The following ZNF503 variants were observed in gnomAD, a reference collection of about 807,000 sequenced individuals.
ZNF503 encodes the protein NocA-like zinc finger 2.
In ZNF503, 15 loss-of-function variants were observed where a neutral mutation model predicts 34.4. The observed-to-expected ratio is 0.44, with a 90% CI of 0.29 to 0.67. ZNF503 has a LOEUF of 0.67. Among genes scored for constraint, ZNF503 ranks in the 30% least tolerant of loss-of-function variants. The probability of loss-of-function intolerance (pLI) is 0.13; values close to 1 mark genes in which losing one functional copy is unlikely to be tolerated. For missense variants in ZNF503, 1,007 were observed against 926.8 expected, an observed-to-expected ratio of 1.09 and a Z score of -1.12; for synonymous variants, 580 against 456.8, an observed-to-expected ratio of 1.27 and a Z score of -3.44.
the ZNF503 span, among the ~76,000 whole-genome samples, chr10:75,390,681 C>T: frequency 2.0e-5 from 3 of 152,198 alleles, no homozygotes; most frequent in African/African-American, 7.2e-5. Context: ...AGAGGGCTCT[C>T]TCTTGACTCT....
At chr10:75,347,212 G>A in the ZNF503 span, among the ~76,000 whole-genome samples, 2 of 152,190 alleles carry the variant, frequency 1.3e-5, no homozygotes, top group East Asian at 1.9e-4. Flanking sequence ...TGAGGACTCC[G>A]GCAATTAATT....
the ZNF503 span, among the ~76,000 whole-genome samples, chr10:75,297,274 A>C: frequency 1.3e-5 from 2 of 151,086 alleles, no homozygotes; most frequent in Middle Eastern, 3.4e-3. Flanking sequence ...CCCACCCCCG[A>C]CTCTAGCTAG....
chr10:75,326,543 T>C, the ZNF503 span, among the ~76,000 whole-genome samples: 1 of 152,200 alleles, frequency 6.6e-6, no homozygotes, highest in African/African-American at 2.4e-5. Context: ...CAGATATCTT[T>C]CATTGTTCTG....
the ZNF503 span, among the ~76,000 whole-genome samples, chr10:75,355,347 G>A: frequency 2.7e-4 from 41 of 152,108 alleles, no homozygotes; most frequent in South Asian, 6.9e-3. Flanking sequence ...ATGGGTAATC[G>A]AAAGACCTTT....
chr10:75,377,830 T>A, the ZNF503 span, among the ~76,000 whole-genome samples: 1 of 151,672 alleles, frequency 6.6e-6, no homozygotes, highest in Admixed American at 6.6e-5. Flanking sequence ...TGCCTAAGAG[T>A]GGGTAATGTA....
chr10:75,330,760 AT>A, the ZNF503 span, among the ~76,000 whole-genome samples: 2 of 151,612 alleles, frequency 1.3e-5, no homozygotes, highest in Non-Finnish European at 2.9e-5. Flanking sequence ...TGTTTAGCTA[AT>A]GGTTTGTACA....
chr10:75,367,614 G>A, the ZNF503 span, among the ~76,000 whole-genome samples: 2 of 152,076 alleles, frequency 1.3e-5, no homozygotes, highest in Non-Finnish European at 2.9e-5. Flanking sequence ...ATAACATATA[G>A]GCTCAAAGAA....
chr10:75,279,972 A>T, the ZNF503 span: 1 of 152,166 alleles, frequency 6.6e-6, no homozygotes, highest in Non-Finnish European at 1.5e-5. Flanking sequence ...ACTTTCTAAC[A>T]TCATCATCTT....
chr10:75,378,097 G>A, the ZNF503 span, among the ~76,000 whole-genome samples: 3 of 152,046 alleles, frequency 2.0e-5, no homozygotes, highest in East Asian at 1.9e-4. Flanking sequence ...AGGGGAGGCC[G>A]GGGAGGATGG....
the ZNF503 span, among the ~76,000 whole-genome samples, chr10:75,349,832 A>G: frequency 6.6e-6 from 1 of 152,344 alleles, no homozygotes; most frequent in South Asian, 2.1e-4. Flanking sequence ...AAAAAAATGA[A>G]TGTTTGTTCT....
At chr10:75,392,085 C>A in the ZNF503 span, among the ~76,000 whole-genome samples, 1 of 152,190 alleles carries the variant, frequency 6.6e-6, no homozygotes, top group East Asian at 1.9e-4. Flanking sequence ...AGGACAAAAT[C>A]CCAGGCACAG....
At chr10:75,334,181 G>A in the ZNF503 span, among the ~76,000 whole-genome samples, 1 of 151,426 alleles carries the variant, frequency 6.6e-6, no homozygotes, top group East Asian at 2.0e-4. Flanking sequence ...GGAGGCCAAG[G>A]CAGGCGGCTG....
the ZNF503 span, among the ~76,000 whole-genome samples, chr10:75,334,185 G>A: frequency 6.6e-6 from 1 of 151,548 alleles, no homozygotes; most frequent in Admixed American, 6.6e-5. Flanking sequence ...GCCAAGGCAG[G>A]CGGCTGCTCC....
chr10:75,380,423 G>C, the ZNF503 span, among the ~76,000 whole-genome samples: 2 of 152,154 alleles, frequency 1.3e-5, no homozygotes, highest in African/African-American at 4.8e-5. Flanking sequence ...AGACAATGGG[G>C]CCCTGGAGCT....
the ZNF503 span, among the ~76,000 whole-genome samples, chr10:75,344,252 G>A: frequency 5.3e-5 from 8 of 152,348 alleles, no homozygotes; most frequent in South Asian, 2.1e-4. Context: ...CCCTGGGGCC[G>A]TGTGGCGTGG....
At chr10:75,401,051 T>A (rs762253491) in intron 1 of ZNF503, 54 bp downstream of exon 1, 2 of 1,610,646 alleles carry the variant, frequency 1.2e-6, no homozygotes. Flanking sequence ...AAGAAAGCCC[T>A]AGGGTGGCAG....
the ZNF503 span, chr10:75,298,984 T>G: frequency 6.6e-6 from 1 of 150,650 alleles, no homozygotes; most frequent in Non-Finnish European, 1.5e-5. Flanking sequence ...CAGGCTGGAG[T>G]GCAATGGTGT....
At chr10:75,325,330 T>TA in the ZNF503 span, among the ~76,000 whole-genome samples, 3,506 of 45,814 alleles carry the variant, frequency 0.077, 107 homozygotes, top group African/African-American at 0.33. Context: ...TATATATATA[T>TA]TTTTTTTTTT....
the ZNF503 span, among the ~76,000 whole-genome samples, chr10:75,366,942 C>G: frequency 6.6e-6 from 1 of 152,184 alleles, no homozygotes; most frequent in Admixed American, 6.5e-5. Context: ...CTGGCTCCTC[C>G]CCTTTCCTGA....
Sources: gnomAD v4.1 joint callset for allele counts (sites outside exome capture counted in the v4.1 genomes callset) on GRCh38, gnomAD v4.1.1 for gene constraint, MANE v1.5 for transcripts, NCBI Gene and HGNC (gene_info 2026-07-23, HGNC 2026-07-21) for gene names.